Variants in TRARG1 observed in about 807,000 individuals in gnomAD.
TRARG1 encodes trafficking regulator of GLUT4 1.
Under a neutral mutation model 13.3 loss-of-function variants are expected in TRARG1, and 16 were observed. The observed-to-expected ratio is 1.20, with a 90% CI of 0.81 to 1.83. TRARG1 has a LOEUF of 1.83. Among genes scored for constraint, TRARG1 ranks in the 40% most tolerant of loss-of-function variants. TRARG1 has a pLI of 0.00. For synonymous variants in TRARG1, 113 were observed against 106.2 expected, an observed-to-expected ratio of 1.06 and a Z score of -0.39; for missense variants, 250 against 237.4, an observed-to-expected ratio of 1.05 and a Z score of -0.35.
At chr17:1,288,641 CCATCCCCCTCCAGCTTCT>C (rs2072044214) in intron 1 of TRARG1, among the ~76,000 whole-genome samples, 2 of 49,098 alleles carry the variant, frequency 4.1e-5, no homozygotes, top group Admixed American at 1.9e-4. Context: ...CATGGGTTCC[CCATCCCCCTCCAGCTTCT>C]CATCCCCCAC....
At position 1,298,291 on chromosome 17, in the gene TRARG1, A is replaced by C. The variant is rs1344287393; in HGVS notation, c.*27A>C. 6.2e-7 allele frequency: 1 copy of C among 1,612,292 alleles called. No homozygotes were observed. Among genetic ancestry groups the C allele is most frequent in the Non-Finnish European group, 8.5e-7 (1 of 1,179,290 alleles). ...CTTAAGCAGGGAGCTGGGCTAGCAG[A>C]GGCCGGCCCTGGCCATCGGGAGAGC... is the stretch of plus-strand genomic sequence containing the variant. On this transcript the variant is annotated 3_prime_UTR_variant, in exon 3 of 3. Coordinates refer to ENST00000333813, the MANE Select transcript of TRARG1 (RefSeq NM_172367.3).
chr17:1,295,257 C>G (rs2072102445), intron 1 of TRARG1, among the ~76,000 whole-genome samples: 1 of 152,244 alleles, frequency 6.6e-6, no homozygotes, highest in African/African-American at 2.4e-5. Context: ...CTGGGTTCTG[C>G]TCCCAGCTGT....
intron 1 of TRARG1, among the ~76,000 whole-genome samples, chr17:1,294,437 G>C (rs1032227421): frequency 6.6e-6 from 1 of 151,244 alleles, no homozygotes; most frequent in Non-Finnish European, 1.5e-5. Flanking sequence ...TGTGGTTCTT[G>C]GGTGGGAAAT....
rs776785224 is a variant in TRARG1, at chr17:1,280,350, TG to T, written c.351del (p.Trp117CysfsTer52). 3 of 1,611,246 alleles carry T rather than the reference TG, an allele frequency of 1.9e-6. No homozygotes were observed. In the South Asian group the frequency reaches 3.3e-5, roughly 18 times the overall value. On this transcript the variant is annotated frameshift_variant, in exon 1 of 3. Coordinates refer to ENST00000333813, the MANE Select transcript of TRARG1 (RefSeq NM_172367.3). LOFTEE classifies it high-confidence loss of function. ...LAVVACFCPV[W>X]PLNLIPLIIS... is the part of the protein sequence containing the mutation. The stretch of plus-strand genomic sequence containing the variant: ...CGTCGTCGCCTGCTTCTGCCCCGTC[TG>T]GCCCCTCAACCTCATCCCCCTCATC...
intron 1 of TRARG1, among the ~76,000 whole-genome samples, chr17:1,284,363 G>C (rs1163371176): frequency 6.6e-6 from 1 of 152,224 alleles, no homozygotes; most frequent in Non-Finnish European, 1.5e-5. Context: ...GTAGCAGCAC[G>C]CTGTAGGCTT....
rs1490656590 is a variant in TRARG1, at chr17:1,300,383, C to A, written c.*2119C>A. 1 of 152,202 alleles carries A rather than the reference C, an allele frequency of 6.6e-6. No individual in the cohort carries two copies. Among genetic ancestry groups the A allele is most frequent in the Non-Finnish European group, 1.5e-5 (1 of 68,130 alleles). 9.4% of individuals were successfully genotyped at this position (152,202 alleles called of 1,614,324 possible). A position where few individuals can be genotyped will look rare whatever the true frequency, so the allele number is the denominator to read the frequency against. On this transcript the variant is annotated 3_prime_UTR_variant, in exon 3 of 3. Transcript: ENST00000333813. The stretch of plus-strand genomic sequence containing the variant: ...ATGACACCCGAAGGGACTCTAGGTG[C>A]CCTCGGAGTGCCACACATGCCCAGA...
Position 1,280,014 on chromosome 17 carries a change from G to A in TRARG1, c.13G>A (p.Val5Met). Reference protein sequence around the residue: MAHPVQSEFPSAQEP... With the variant: MAHPMQSEFPSAQEP... ...GGCCCAGGCCCCCATGGCCCACCCG[G>A]TGCAGTCCGAGTTTCCTTCAGCACA... The change falls in exon 1 of 3, where the codon GTG becomes ATG. Residue 5 changes from valine (V) to methionine (M), a missense_variant. Val to Met is a conservative substitution (Grantham distance 21). Coordinates refer to ENST00000333813, the MANE Select transcript of TRARG1 (RefSeq NM_172367.3). 6.2e-7 allele frequency: 1 copy of A among 1,612,082 alleles called. No individual in the cohort carries two copies. Among genetic ancestry groups the A allele is most frequent in the Non-Finnish European group, 8.5e-7 (1 of 1,179,336 alleles).
At chr17:1,292,816 C>T (rs1425560294) in intron 1 of TRARG1, among the ~76,000 whole-genome samples, 1 of 152,178 alleles carries the variant, frequency 6.6e-6, no homozygotes, top group South Asian at 2.1e-4. Flanking sequence ...TACCTTTCTT[C>T]GTGTGATCAC....
chr17:1,294,889 T>G (rs1285457595), intron 1 of TRARG1, among the ~76,000 whole-genome samples: 1 of 152,176 alleles, frequency 6.6e-6, no homozygotes, highest in Non-Finnish European at 1.5e-5. Flanking sequence ...TTTCACCATG[T>G]TGGTCAGGCT....
At position 1,295,488 on chromosome 17, in the gene TRARG1, C is replaced by A; in HGVS notation, c.388-3C>A. On this transcript the variant is annotated splice_polypyrimidine_tract_variant and splice_region_variant and intron_variant, in intron 1 of 2. Transcript: ENST00000333813. ...CCGGGGTCTCTCTGTGCTCTCTCCG[C>A]AGTCTCGAAGCAGCATGCAACAGGG... 1 of 1,602,438 alleles carries A rather than the reference C, an allele frequency of 6.2e-7. No individual in the cohort carries two copies. The highest frequency in any genetic ancestry group is 8.5e-7 in the Non-Finnish European group (1 of 1,174,900).
At chr17:1,281,402 C>T (rs557824946) in intron 1 of TRARG1, among the ~76,000 whole-genome samples, 1 of 152,012 alleles carries the variant, frequency 6.6e-6, no homozygotes, top group Admixed American at 6.5e-5. Flanking sequence ...TGACTCCCTG[C>T]AGAGTCACCA....
chr17:1,295,370 A>G (rs2072103190), intron 1 of TRARG1, 121 bp from the exon 2 acceptor site: 4 of 1,295,724 alleles, frequency 3.1e-6, no homozygotes, highest in African/African-American at 1.5e-5. Context: ...GTGGGCTGCC[A>G]TGGGGACGGG....
At chr17:1,280,964 C>T (rs773895028) in intron 1 of TRARG1, among the ~76,000 whole-genome samples, 8 of 152,212 alleles carry the variant, frequency 5.3e-5, no homozygotes, top group Non-Finnish European at 1.0e-4. Flanking sequence ...CCTCCCGAGG[C>T]GTGGAGTTCC....
chr17:1,298,336 G>A lies in TRARG1; in HGVS notation c.*72G>A. On this transcript the variant is annotated 3_prime_UTR_variant, in exon 3 of 3. Coordinates refer to ENST00000333813, the MANE Select transcript of TRARG1 (RefSeq NM_172367.3). ...GAGAGCTCTGACCTGCACACCGCGG[G>A]AGGCCAGGGTGCTGACTGTCAAGCA... 1.9e-6 allele frequency: 3 copies of A among 1,559,250 alleles called. No homozygotes were observed. The highest frequency in any genetic ancestry group is 1.8e-5 in the Admixed American group (1 of 56,344).
In TRARG1 at chr17:1,280,012, C is replaced by T. The variant is rs753774828; in HGVS notation, c.11C>T (p.Pro4Leu). The T allele has an allele frequency of 4.3e-6, 7 of 1,611,610 alleles. No homozygotes were observed. Among genetic ancestry groups the T allele is most frequent in the East Asian group, 4.5e-5 (2 of 44,850 alleles). The change falls in exon 1 of 3, where the codon CCG becomes CTG. Residue 4 changes from proline (P) to leucine (L), a missense_variant. Pro to Leu is a moderately conservative substitution (Grantham distance 98). Coordinates refer to ENST00000333813, the MANE Select transcript of TRARG1 (RefSeq NM_172367.3). MAH[P>L]VQSEFPSAQE... Reference sequence around the variant, plus strand: ...AAGGCCCAGGCCCCCATGGCCCACCCGGTGCAGTCCGAGTTTCCTTCAGCA... The same window carrying T: ...AAGGCCCAGGCCCCCATGGCCCACCTGGTGCAGTCCGAGTTTCCTTCAGCA...
Position 1,280,409 on chromosome 17 carries a change from C to T in TRARG1, c.387+21C>T, listed in dbSNP as rs2150804752. 5.2e-6 allele frequency: 8 copies of T among 1,550,962 alleles called. No homozygotes were observed. In the South Asian group the frequency reaches 9.7e-5, roughly 19 times the overall value. On this transcript the variant is annotated intron_variant, in intron 1 of 2. Transcript: ENST00000333813. ...TCATGGTAAGTGCTGGTCTTTGTTC[C>T]AGGGGCAGGGGCTGGGCCCAGGGGT...
rs756486918 is a variant in TRARG1 at position 1,298,240 on chromosome 17, T to C, written c.521-11T>C. ...GCCCTGTTCTGCCATATCTGTTTTT[T>C]TTCTTTACAGTTCAGAAGAAATAAA... On this transcript the variant is annotated splice_polypyrimidine_tract_variant and intron_variant, in intron 2 of 2. Transcript: ENST00000333813. 6.8e-6 allele frequency: 11 copies of C among 1,613,872 alleles called. No homozygotes were observed. Among genetic ancestry groups the C allele is most frequent in the Middle Eastern group, 1.7e-4 (1 of 6,054 alleles).
In TRARG1 at chr17:1,300,159, G is replaced by A. The variant is rs2072144509; in HGVS notation, c.*1895G>A. ...TTTGCTGGGGGAGGGTGTGAGCACG[G>A]AGTATTTCTGTCCCTCGTGAAGTCA... On this transcript the variant is annotated 3_prime_UTR_variant, in exon 3 of 3. Coordinates refer to ENST00000333813, the MANE Select transcript of TRARG1 (RefSeq NM_172367.3). The A allele has an allele frequency of 6.6e-6, 1 of 152,330 alleles. No homozygotes were observed. Among genetic ancestry groups the A allele is most frequent in the Admixed American group, 6.5e-5 (1 of 15,288 alleles). The allele number at this position is 152,330 out of a possible 1,614,324, so 9.4% of individuals were successfully genotyped here.
chr17:1,296,721 G>C (rs1408607782), intron 2 of TRARG1, among the ~76,000 whole-genome samples: 1 of 151,938 alleles, frequency 6.6e-6, no homozygotes, highest in African/African-American at 2.4e-5. Flanking sequence ...ATATCAGTCA[G>C]GCTGGTCTCA....
Sources: allele counts gnomAD v4.1 joint callset (sites outside exome capture counted in the v4.1 genomes callset), GRCh38; gene constraint gnomAD v4.1.1; transcripts MANE v1.5; gene names NCBI Gene and HGNC (gene_info 2026-07-23, HGNC 2026-07-21).